Variants in DENND6A observed in about 807,000 individuals in gnomAD.
DENND6A encodes protein DENND6A.
Under a neutral mutation model 95.5 loss-of-function variants are expected in DENND6A, and 43 were observed. That is an observed-to-expected ratio of 0.45 (90% CI 0.35 to 0.58). The LOEUF (loss-of-function observed/expected upper bound fraction) is 0.58. DENND6A is among the 20% of genes least tolerant of loss of function. The pLI, the probability that DENND6A is intolerant of heterozygous loss-of-function variation, is 0.00. For missense variants in DENND6A, 574 were observed against 736.0 expected (o/e 0.78, Z 2.55); for synonymous variants, 257 against 260.4 (o/e 0.99, Z 0.13).
At chr3:57,659,053 A>G in intron 8 of DENND6A, 65 bp downstream of exon 8, 1 of 1,456,300 alleles carries the variant, frequency 6.9e-7, no homozygotes, top group Admixed American at 1.8e-5. Flanking sequence ...TGCATTTGCT[A>G]GTTTAAAAAT....
intron 1 of DENND6A, among the ~76,000 whole-genome samples, chr3:57,681,081 G>A (rs747733932): frequency 5.9e-5 from 9 of 152,114 alleles, no homozygotes; most frequent in Non-Finnish European, 1.2e-4. Context: ...ACAAAAACTC[G>A]TACACAAATT....
In DENND6A at chr3:57,628,279, C is replaced by A; in HGVS notation, c.1762G>T (p.Asp588Tyr). 6.2e-7 allele frequency: 1 copy of A among 1,614,162 alleles called. No individual in the cohort carries two copies. Among genetic ancestry groups the A allele is most frequent in the Non-Finnish European group, 8.5e-7 (1 of 1,180,028 alleles). The change falls in exon 20 of 20, where the codon GAT becomes TAT. Residue 588 changes from aspartate (D) to tyrosine (Y), a missense_variant. Asp to Tyr is a radical substitution (Grantham distance 160). Around this residue, in one of 2 missense-constraint regions of DENND6A, gnomAD observed 452 missense variants for 630.9 expected, o/e 0.72. Transcript: ENST00000311128. ...DTMEKLRTHI[D>Y]AIILALPEDL... Reference sequence around the variant, plus strand: ...TCTGGCAATGCTAAGATAATGGCATCTATGTGTGTCCGTAACTTTTCCATA... The same window carrying A: ...TCTGGCAATGCTAAGATAATGGCATATATGTGTGTCCGTAACTTTTCCATA...
chr3:57,677,576 C>T (rs1297070090), intron 1 of DENND6A, among the ~76,000 whole-genome samples: 1 of 151,874 alleles, frequency 6.6e-6, no homozygotes, highest in Non-Finnish European at 1.5e-5. Flanking sequence ...GCTGGGACTA[C>T]AGACATGCAC....
In DENND6A at chr3:57,692,998, C is replaced by A; in HGVS notation, c.21G>T (p.Ala7=). The stretch of plus-strand genomic sequence containing the variant: ...GCCTTCGAGAGCCGGGCCCCAAGCC[C>A]GCAGGGCCCCTCAAAGCCATCGGCC... The part of the protein sequence containing the change: MALRGP[A]GLGPGSRRPL... The change falls in exon 1 of 20, where the codon GCG becomes GCT. Residue 7 remains alanine, a synonymous_variant. Coordinates refer to ENST00000311128, the MANE Select transcript of DENND6A (RefSeq NM_152678.3). 1 of 1,503,946 alleles carries A rather than the reference C, an allele frequency of 6.6e-7. No homozygotes were observed. Among genetic ancestry groups the A allele is most frequent in the Non-Finnish European group, 8.8e-7 (1 of 1,137,346 alleles). The allele number at this position is 1,503,946 out of a possible 1,614,324, so 93.2% of individuals were successfully genotyped here.
intron 9 of DENND6A, among the ~76,000 whole-genome samples, chr3:57,654,225 G>C (rs1381832758): frequency 6.6e-6 from 1 of 152,020 alleles, no homozygotes; most frequent in Non-Finnish European, 1.5e-5. Flanking sequence ...AAAGTGCCGG[G>C]ATTACAGGTG....
intron 3 of DENND6A, among the ~76,000 whole-genome samples, chr3:57,667,929 G>A (rs770350599): frequency 3.3e-5 from 5 of 151,924 alleles, no homozygotes; most frequent in African/African-American, 4.8e-5. Flanking sequence ...AGCCGGATGC[G>A]GTGGCAGGCA....
At chr3:57,647,372 G>A (rs1260767849) in intron 9 of DENND6A, among the ~76,000 whole-genome samples, 1 of 152,138 alleles carries the variant, frequency 6.6e-6, no homozygotes, top group African/African-American at 2.4e-5. Flanking sequence ...CAGTCCTAAA[G>A]CAGAACATGG....
intron 9 of DENND6A, among the ~76,000 whole-genome samples, chr3:57,655,640 C>T (rs951555287): frequency 6.6e-6 from 1 of 152,048 alleles, no homozygotes; most frequent in African/African-American, 2.4e-5. Context: ...TTTTAAATTA[C>T]GTTCAGGCTA....
intron 9 of DENND6A, among the ~76,000 whole-genome samples, chr3:57,651,940 G>A (rs964028721): frequency 6.6e-6 from 1 of 152,130 alleles, no homozygotes; most frequent in Non-Finnish European, 1.5e-5. Context: ...TGTGCATGGT[G>A]GCTCACTCCT....
At chr3:57,667,339 T>TA (rs753345942) in intron 3 of DENND6A, among the ~76,000 whole-genome samples, 36 of 152,132 alleles carry the variant, frequency 2.4e-4, no homozygotes, top group Non-Finnish European at 4.7e-4. Flanking sequence ...AAAATTTCAC[T>TA]AGAGATGGGG....
At chr3:57,667,551 C>G (rs534101242) in intron 3 of DENND6A, among the ~76,000 whole-genome samples, 1 of 152,110 alleles carries the variant, frequency 6.6e-6, no homozygotes, top group Non-Finnish European at 1.5e-5. Flanking sequence ...AGAGCCAGCC[C>G]CCTCCCTTGA....
intron 18 of DENND6A, among the ~76,000 whole-genome samples, chr3:57,629,154 C>T (rs1447391589): frequency 6.6e-6 from 1 of 152,126 alleles, no homozygotes; most frequent in Non-Finnish European, 1.5e-5. Flanking sequence ...GCAAGAAAAA[C>T]AAAATTGCAG....
intron 1 of DENND6A, among the ~76,000 whole-genome samples, chr3:57,678,930 C>T (rs1278646037): frequency 6.6e-6 from 1 of 152,162 alleles, no homozygotes; most frequent in Non-Finnish European, 1.5e-5. Context: ...ATGGCAAAAC[C>T]CTGTCTCTGC....
chr3:57,641,466 G>A (rs1331176302), intron 12 of DENND6A, among the ~76,000 whole-genome samples, 187 bp downstream of exon 12: 3 of 149,156 alleles, frequency 2.0e-5, no homozygotes, highest in African/African-American at 7.4e-5. Context: ...TTGGTAGGAG[G>A]ACATGACAGA....
chr3:57,644,720 G>A (rs1214530318), intron 11 of DENND6A, among the ~76,000 whole-genome samples: 1 of 31,388 alleles, frequency 3.2e-5, no homozygotes, highest in African/African-American at 1.3e-4. Flanking sequence ...GGAGAGGAGG[G>A]GAGAGGAGGG....
intron 5 of DENND6A, among the ~76,000 whole-genome samples, chr3:57,662,194 T>C (rs543655594): frequency 0.011 from 1,427 of 134,272 alleles, 33 homozygotes; most frequent in African/African-American, 0.036. Context: ...TCTTTTTTTT[T>C]TTTTTTTTTT....
chr3:57,662,745 C>T (rs1207065624), intron 5 of DENND6A, among the ~76,000 whole-genome samples: 1 of 151,818 alleles, frequency 6.6e-6, no homozygotes, highest in African/African-American at 2.4e-5. Context: ...AGGAATCTAG[C>T]ACAGAGAGCA....
chr3:57,641,876 A>G (rs982637493), intron 11 of DENND6A, 129 bp from the exon 12 acceptor site: 3 of 632,244 alleles, frequency 4.7e-6, no homozygotes, highest in African/African-American at 3.7e-5. Context: ...TCAACACATT[A>G]CATATCAACT....
At chr3:57,670,323 T>C (rs187366538) in intron 3 of DENND6A, among the ~76,000 whole-genome samples, 1 of 152,238 alleles carries the variant, frequency 6.6e-6, no homozygotes, top group Admixed American at 6.5e-5. Flanking sequence ...AAAGAGGTGG[T>C]TAAACTTGGG....
Sources: allele counts gnomAD v4.1 joint callset (sites outside exome capture counted in the v4.1 genomes callset), GRCh38; gene constraint gnomAD v4.1.1; regional missense constraint gnomAD v4.1.1; transcripts MANE v1.5; gene names NCBI Gene and HGNC (gene_info 2026-07-23, HGNC 2026-07-21).